MIPOL1: variants seen among roughly 807,000 people sequenced by gnomAD.
The protein encoded by MIPOL1 is mirror-image polydactyly gene 1 protein.
MIPOL1 carries 57 observed loss-of-function variants against 60.9 expected under a neutral mutation model. The ratio of observed to expected loss-of-function variants is 0.94; its 90% confidence interval spans 0.76 to 1.17. MIPOL1 has a LOEUF of 1.17. Among genes scored for constraint, MIPOL1 ranks in the 50% most tolerant of loss-of-function variants. The pLI, the probability that MIPOL1 is intolerant of heterozygous loss-of-function variation, is 0.00. For missense variants in MIPOL1, 551 were observed against 511.6 expected (o/e 1.08, Z -0.74); for synonymous variants, 179 against 168.8 (o/e 1.06, Z -0.47).
chr14:37,298,772 G>T (rs1250290303), intron 7 of MIPOL1, among the ~76,000 whole-genome samples: 1 of 151,594 alleles, frequency 6.6e-6, no homozygotes, highest in Non-Finnish European at 1.5e-5. Context: ...CAGTTAGAAT[G>T]GCAATCATTA....
intron 11 of MIPOL1, among the ~76,000 whole-genome samples, chr14:37,469,408 G>A (rs1466278117): frequency 6.6e-6 from 1 of 152,178 alleles, no homozygotes; most frequent in Non-Finnish European, 1.5e-5. Context: ...CCAAGGAGTG[G>A]TACTAAACCA....
chr14:37,375,580 A>C, intron 10 of MIPOL1, among the ~76,000 whole-genome samples: 1 of 152,230 alleles, frequency 6.6e-6, no homozygotes, highest in African/African-American at 2.4e-5. Context: ...AATCTTCCTT[A>C]GATTATAAAA....
chr14:37,376,272 G>A (rs1373831132), intron 10 of MIPOL1, among the ~76,000 whole-genome samples: 1 of 152,148 alleles, frequency 6.6e-6, no homozygotes, highest in Non-Finnish European at 1.5e-5. Context: ...TTAATGTTAT[G>A]TAGTCATTAT....
At chr14:37,471,653 T>G (rs890582927) in intron 11 of MIPOL1, among the ~76,000 whole-genome samples, 1 of 152,160 alleles carries the variant, frequency 6.6e-6, no homozygotes, top group South Asian at 2.1e-4. Context: ...TTCAGGAAGA[T>G]TCTATGTGAT....
At chr14:37,482,266 T>G (rs1398183033) in intron 11 of MIPOL1, among the ~76,000 whole-genome samples, 1 of 152,062 alleles carries the variant, frequency 6.6e-6, no homozygotes, top group Non-Finnish European at 1.5e-5. Context: ...GGGCAAGGGA[T>G]TTGAATAGAC....
At chr14:37,307,798 A>G (rs1361521777) in intron 7 of MIPOL1, among the ~76,000 whole-genome samples, 1 of 152,084 alleles carries the variant, frequency 6.6e-6, no homozygotes, top group Non-Finnish European at 1.5e-5. Flanking sequence ...ATCTAAGCAC[A>G]TATGAACAAT....
Position 37,500,096 on chromosome 14 carries a change from A to T in MIPOL1, c.1220A>T (p.His407Leu). 1 of 1,613,700 alleles carries T rather than the reference A, an allele frequency of 6.2e-7. No individual in the cohort carries two copies. The highest frequency in any genetic ancestry group is 2.2e-5 in the East Asian group (1 of 44,852). The change falls in exon 12 of 13, where the codon CAT becomes CTT. Residue 407 changes from histidine (H) to leucine (L), a missense_variant. Coordinates refer to ENST00000684589, the MANE Select transcript of MIPOL1 (RefSeq NM_001388067.1). Reference protein sequence around the residue: ...ERANMELQLQHAREASQVANE... With the variant: ...ERANMELQLQLAREASQVANE... ...GCAAATATGGAATTACAACTTCAAC[A>T]TGCCAGAGAGGCCTCCCAAGTGGCC... is the stretch of plus-strand genomic sequence containing the variant.
intron 11 of MIPOL1, among the ~76,000 whole-genome samples, chr14:37,425,953 T>C (rs1437852322): frequency 6.6e-6 from 1 of 152,158 alleles, no homozygotes; most frequent in Non-Finnish European, 1.5e-5. Flanking sequence ...TAAAGAAGCA[T>C]AGCAATTTGG....
chr14:37,279,390 A>G (rs972633869), intron 6 of MIPOL1, among the ~76,000 whole-genome samples: 10 of 151,828 alleles, frequency 6.6e-5, no homozygotes, highest in African/African-American at 1.9e-4. Flanking sequence ...CTAAAATGCT[A>G]TATTGATTTT....
At chr14:37,404,080 A>G (rs1264632922) in intron 10 of MIPOL1, among the ~76,000 whole-genome samples, 1 of 152,192 alleles carries the variant, frequency 6.6e-6, no homozygotes, top group African/African-American at 2.4e-5. Context: ...CATGTAATTA[A>G]TGGTATTTTA....
intron 1 of MIPOL1, among the ~76,000 whole-genome samples, chr14:37,230,229 G>A (rs913010022): frequency 6.6e-6 from 1 of 152,112 alleles, no homozygotes; most frequent in Non-Finnish European, 1.5e-5. Flanking sequence ...TTATTAAGAG[G>A]TGAATTTTGA....
chr14:37,343,218 TGTATAAG>T (rs2090706093), intron 9 of MIPOL1, among the ~76,000 whole-genome samples: 1 of 152,024 alleles, frequency 6.6e-6, no homozygotes, highest in South Asian at 2.1e-4. Context: ...CTCTTATTCT[TGTATAAG>T]TATTCATCTA....
At chr14:37,431,797 G>A (rs1268028284) in intron 11 of MIPOL1, among the ~76,000 whole-genome samples, 1 of 151,216 alleles carries the variant, frequency 6.6e-6, no homozygotes, top group Non-Finnish European at 1.5e-5. Flanking sequence ...ATGTTAGCCA[G>A]GATGGTCTCG....
chr14:37,482,020 G>C (rs936731099), intron 11 of MIPOL1, among the ~76,000 whole-genome samples: 1 of 151,866 alleles, frequency 6.6e-6, no homozygotes, highest in African/African-American at 2.4e-5. Flanking sequence ...ATATTATGTT[G>C]GTTTATTGGA....
chr14:37,289,579 AGGTCAAGGTAT>A (rs772763256), intron 7 of MIPOL1, among the ~76,000 whole-genome samples: 8 of 152,224 alleles, frequency 5.3e-5, no homozygotes, highest in Non-Finnish European at 1.0e-4. Context: ...AGAGATGCAG[AGGTCAAGGTAT>A]GGGGGAAGAG....
At chr14:37,370,179 A>T (rs72671778) in intron 10 of MIPOL1, among the ~76,000 whole-genome samples, 12,950 of 152,246 alleles carry the variant, frequency 0.085, 833 homozygotes, top group East Asian at 0.31. Context: ...ACATTTCATG[A>T]CAAAAAGTTC....
In MIPOL1 at chr14:37,234,781, C is replaced by CT. The variant is rs1205535226; in HGVS notation, c.-198-12310dup. On this transcript the variant is annotated intron_variant, in intron 1 of 12. Coordinates refer to ENST00000684589, the MANE Select transcript of MIPOL1 (RefSeq NM_001388067.1). Reference sequence around the variant, plus strand: ...CTAATGTGGTCCACTTAGCTGAATTCTTTTTTTTTTTTGAAACGGAGTCTC... The same window carrying CT: ...CTAATGTGGTCCACTTAGCTGAATTCTTTTTTTTTTTTTGAAACGGAGTCTC... Among the ~76,000 whole-genome samples the CT allele has an allele frequency of 3.5e-3, 507 of 143,578 alleles. 2 individuals carry two copies. Among genetic ancestry groups the CT allele is most frequent in the Admixed American group, 5.0e-3 (71 of 14,204 alleles). The allele number at this position is 143,578 out of a possible 152,430, so 94.2% of individuals were successfully genotyped here.
At chr14:37,523,898 C>A (rs757603065) in intron 12 of MIPOL1, among the ~76,000 whole-genome samples, 3 of 151,988 alleles carry the variant, frequency 2.0e-5, no homozygotes, top group Non-Finnish European at 4.4e-5. Context: ...TTCTCTGAGA[C>A]CAGAAGTATA....
chr14:37,426,418 AATTAG>A (rs1484437954), intron 11 of MIPOL1, among the ~76,000 whole-genome samples: 4 of 151,002 alleles, frequency 2.6e-5, no homozygotes, highest in Admixed American at 6.6e-5. Context: ...AAATACAAAA[AATTAG>A]CCAGGTGTAG....
Sources: allele counts gnomAD v4.1 joint callset (sites outside exome capture counted in the v4.1 genomes callset), GRCh38; gene constraint gnomAD v4.1.1; transcripts MANE v1.5; gene names NCBI Gene and HGNC (gene_info 2026-07-23, HGNC 2026-07-21).